The following PCDHA13 variants were observed in gnomAD, a reference collection of about 807,000 sequenced individuals.
The protein encoded by PCDHA13 is protocadherin alpha 13, also known as protocadherin alpha-13.
In PCDHA13, 54 loss-of-function variants were observed where a neutral mutation model predicts 64.8. The observed-to-expected ratio is 0.83, with a 90% confidence interval of 0.67 to 1.04. The LOEUF (loss-of-function observed/expected upper bound fraction) is 1.04, where lower values mean the gene tolerates loss of function less well. Among genes scored for constraint, PCDHA13 ranks in the 50% least tolerant of loss-of-function variants. The probability of loss-of-function intolerance (pLI) is 0.00; values close to 1 mark genes in which losing one functional copy is unlikely to be tolerated. For missense variants in PCDHA13, 1,248 were observed against 1,254.3 expected (o/e 0.99, Z 0.08); for synonymous variants, 587 against 564.4 (o/e 1.04, Z -0.57).
chr5:141,009,580 G>A (rs1554262213), intron 3 of PCDHA13, 47 bp from the exon 4 acceptor site: 1 of 1,588,170 alleles, frequency 6.3e-7, no homozygotes, highest in South Asian at 1.2e-5. Flanking sequence ...GTGGCATCAA[G>A]AGCATGTGTT....
At chr5:140,884,722 T>C in intron 1 of PCDHA13, 60 bp downstream of exon 1, 2 of 1,460,382 alleles carry the variant, frequency 1.4e-6, no homozygotes, top group South Asian at 3.0e-5. Flanking sequence ...TGCAGTTGTT[T>C]GTTTAAGACA....
At chr5:140,929,679 G>A (rs142104946) in intron 1 of PCDHA13, 4 of 303,052 alleles carry the variant, frequency 1.3e-5, no homozygotes, top group African/African-American at 2.2e-5. Context: ...TGAAAAATAT[G>A]TAAGAGTCTG....
chr5:140,886,637 C>A (rs1379156415), intron 1 of PCDHA13, among the ~76,000 whole-genome samples: 3 of 151,848 alleles, frequency 2.0e-5, no homozygotes, highest in Non-Finnish European at 4.4e-5. Context: ...ACCAGCCTGG[C>A]CAACATGGTG....
intron 3 of PCDHA13, among the ~76,000 whole-genome samples, chr5:140,988,762 C>T (rs546274253): frequency 6.6e-6 from 1 of 152,308 alleles, no homozygotes; most frequent in South Asian, 2.1e-4. Context: ...GGGCAGAATA[C>T]AGTCATGGTT....
intron 1 of PCDHA13, among the ~76,000 whole-genome samples, chr5:140,902,333 T>C (rs1248113110): frequency 6.6e-6 from 1 of 151,758 alleles, no homozygotes; most frequent in Non-Finnish European, 1.5e-5. Context: ...TCACTTCGCC[T>C]GGCCTAGGAA....
rs113486331 is a variant in PCDHA13, at chr5:140,935,958, T to C, written c.2395-42991T>C. ...CCCAGGCTGGAGTAAAGTGGTACAATCTTGGCTCACTGCAATCTCTGCCTC... is the reference window on the plus strand; with the variant it reads ...CCCAGGCTGGAGTAAAGTGGTACAACCTTGGCTCACTGCAATCTCTGCCTC... On this transcript the variant is annotated intron_variant, in intron 1 of 3. Coordinates refer to ENST00000289272, the MANE Select transcript of PCDHA13 (RefSeq NM_018904.3). Among the ~76,000 whole-genome samples the C allele has an allele frequency of 4.3e-3, 649 of 149,438 alleles. 7 individuals are homozygous for C. The highest frequency in any genetic ancestry group is 0.015 in the African/African-American group (604 of 40,738).
At chr5:140,951,343 G>C (rs2094573680) in intron 1 of PCDHA13, among the ~76,000 whole-genome samples, 1 of 151,988 alleles carries the variant, frequency 6.6e-6, no homozygotes, top group South Asian at 2.1e-4. Flanking sequence ...GTTTGTGTTA[G>C]TCCATTATTG....
In PCDHA13 at chr5:140,968,743, C is replaced by G. The variant is rs112674082; in HGVS notation, c.2395-10206C>G. Reference sequence around the variant, plus strand: ...AGAGTGGTAGCACTTTCAACCTGACCGTGGTGGTCCGAGATAATGGAGAGC... The same window carrying G: ...AGAGTGGTAGCACTTTCAACCTGACGGTGGTGGTCCGAGATAATGGAGAGC... On this transcript the variant is annotated intron_variant, in intron 1 of 3. Transcript: ENST00000289272. 10 of 1,614,060 alleles carry G rather than the reference C, an allele frequency of 6.2e-6. No homozygotes were observed. The South Asian group carries it at 9.9e-5, about 16-fold the overall frequency.
Position 141,011,060 on chromosome 5 carries a change from A to G in PCDHA13, c.*1123A>G, listed in dbSNP as rs1588257572. On this transcript the variant is annotated 3_prime_UTR_variant, in exon 4 of 4. Coordinates refer to ENST00000289272, the MANE Select transcript of PCDHA13 (RefSeq NM_018904.3). ...AGGTCACTCTGGGGCTGCCTCTTGC[A>G]TGTATTACTAAATAAAATGATCTCT... is the stretch of plus-strand genomic sequence containing the variant. 1.3e-5 allele frequency: 2 copies of G among 153,758 alleles called. No individual in the cohort carries two copies. Among genetic ancestry groups the G allele is most frequent in the Non-Finnish European group, 2.9e-5 (2 of 68,046 alleles). The allele number at this position is 153,758 out of a possible 1,614,324, so 9.5% of individuals were successfully genotyped here. A position where few individuals can be genotyped will look rare whatever the true frequency, so the allele number is the denominator to read the frequency against.
At position 140,982,295 on chromosome 5, in the gene PCDHA13, G is replaced by A. The variant is rs1047633434; in HGVS notation, c.2454-180G>A. ...AGTATAGCAGGCAATAAGTAAGTCA[G>A]CAATGCTTCTGCAGTTTATGCAGGG... On this transcript the variant is annotated intron_variant, in intron 2 of 3. Coordinates refer to ENST00000289272, the MANE Select transcript of PCDHA13 (RefSeq NM_018904.3). The A allele has an allele frequency of 3.4e-6, 4 of 1,160,172 alleles. No homozygotes were observed. In the Admixed American group the frequency reaches 8.4e-5, roughly 25 times the overall value. 71.9% of individuals were successfully genotyped at this position (1,160,172 alleles called of 1,614,324 possible).
intron 1 of PCDHA13, chr5:140,966,748 T>G: frequency 1.4e-6 from 2 of 1,426,956 alleles, no homozygotes; most frequent in Non-Finnish European, 1.8e-6. Flanking sequence ...CCCGGCTGCC[T>G]CCGCCGCGGC....
chr5:140,965,206 T>A (rs2095879920), intron 1 of PCDHA13, among the ~76,000 whole-genome samples: 1 of 152,238 alleles, frequency 6.6e-6, no homozygotes. Flanking sequence ...AGATTTCAAA[T>A]TCCTGTGGAA....
Position 140,883,833 on chromosome 5 carries a change from C to G in PCDHA13, c.1565C>G (p.Pro522Arg). Reference protein sequence around the residue: ...AESGKVYALQPLDHEELELLQ... With the variant: ...AESGKVYALQRLDHEELELLQ... ...AGCGGCAAGGTGTACGCGCTGCAGC[C>G]GTTGGACCACGAGGAGCTGGAGCTG... Residue 522 changes from proline (P) to arginine (R), a missense_variant, in exon 1 of 4, where the codon CCG becomes CGG. Physicochemically the swap from Pro to Arg is moderately radical, Grantham distance 103 (BLOSUM62 -2). Transcript: ENST00000289272. 1 of 1,612,590 alleles carries G rather than the reference C, an allele frequency of 6.2e-7. No homozygotes were observed. Among genetic ancestry groups the G allele is most frequent in the Non-Finnish European group, 8.5e-7 (1 of 1,179,778 alleles).
At chr5:140,947,221 T>A (rs181563367) in intron 1 of PCDHA13, among the ~76,000 whole-genome samples, 1 of 151,730 alleles carries the variant, frequency 6.6e-6, no homozygotes, top group East Asian at 1.9e-4. Context: ...TCCTGTCATT[T>A]ATGACAGGAA....
intron 1 of PCDHA13, among the ~76,000 whole-genome samples, chr5:140,939,737 G>GTA (rs1554212873): frequency 6.6e-6 from 1 of 152,160 alleles, no homozygotes; most frequent in Non-Finnish European, 1.5e-5. Flanking sequence ...GTGTAGCTGT[G>GTA]TATCATTCAT....
At chr5:140,950,358 G>A (rs1474217490) in intron 1 of PCDHA13, among the ~76,000 whole-genome samples, 3 of 151,864 alleles carry the variant, frequency 2.0e-5, no homozygotes, top group Admixed American at 1.3e-4. Context: ...TCCTTTATCT[G>A]AAGATCTATT....
chr5:140,907,761 T>C (rs1554193135), intron 1 of PCDHA13, among the ~76,000 whole-genome samples: 4 of 152,182 alleles, frequency 2.6e-5, no homozygotes, highest in African/African-American at 9.7e-5. Flanking sequence ...ATGGGCCCAT[T>C]GGGTGATGAC....
At chr5:141,008,425 A>G (rs1195605563) in intron 3 of PCDHA13, among the ~76,000 whole-genome samples, 2 of 152,172 alleles carry the variant, frequency 1.3e-5, no homozygotes, top group East Asian at 1.9e-4. Context: ...CACTGGGATC[A>G]CTTTGCCCAG....
Position 140,899,596 on chromosome 5 carries a change from G to A in PCDHA13, c.2394+14934G>A, listed in dbSNP as rs567280301. On this transcript the variant is annotated intron_variant, in intron 1 of 3. Transcript: ENST00000289272. ...ATTCGGTTTGCCAGTATTTTATTGA[G>A]GACTTTTGCATCAATGTTCATCAAG... Among the ~76,000 whole-genome samples the A allele has an allele frequency of 7.2e-5, 11 of 152,196 alleles. No individual in the cohort carries two copies. In the East Asian group the frequency reaches 2.1e-3, roughly 29 times the overall value.
Sources: allele counts gnomAD v4.1 joint callset (sites outside exome capture counted in the v4.1 genomes callset), GRCh38; gene constraint gnomAD v4.1.1; transcripts MANE v1.5; gene names NCBI Gene and HGNC (gene_info 2026-07-23, HGNC 2026-07-21).